Variants in SSH2 observed in about 807,000 individuals in gnomAD.
SSH2 encodes the protein slingshot protein phosphatase 2.
Under a neutral mutation model 135.2 loss-of-function variants are expected in SSH2, and 37 were observed. That is an observed-to-expected ratio of 0.27 (90% CI 0.21 to 0.36). SSH2 has a LOEUF of 0.36. Among genes scored for constraint, SSH2 ranks in the 10% least tolerant of loss-of-function variants. The pLI, the probability that SSH2 is intolerant of heterozygous loss-of-function variation, is 1.00. For synonymous variants in SSH2, 628 were observed against 646.2 expected (o/e 0.97, Z 0.43); for missense variants, 1,408 against 1,765.3 (o/e 0.80, Z 3.63).
intron 2 of SSH2, among the ~76,000 whole-genome samples, chr17:29,818,283 T>A (rs2042593082): frequency 6.6e-6 from 1 of 151,624 alleles, no homozygotes; most frequent in Non-Finnish European, 1.5e-5. Flanking sequence ...GATTCTTGCC[T>A]TGTCGCCCAG....
At chr17:29,667,016 T>C in intron 10 of SSH2, 21 bp from the exon 11 acceptor site, 2 of 1,614,060 alleles carry the variant, frequency 1.2e-6, no homozygotes, top group African/African-American at 1.3e-5. Context: ...GATGATATAT[T>C]GGACCCATCT....
intron 2 of SSH2, among the ~76,000 whole-genome samples, chr17:29,823,461 C>G (rs1384051064): frequency 6.6e-6 from 1 of 152,132 alleles, no homozygotes; most frequent in Admixed American, 6.5e-5. Flanking sequence ...CTCTAACACC[C>G]CACATTGGGC....
At chr17:29,836,114 G>A (rs577624705) in intron 2 of SSH2, among the ~76,000 whole-genome samples, 2 of 152,124 alleles carry the variant, frequency 1.3e-5, no homozygotes, top group East Asian at 3.9e-4. Flanking sequence ...AGAGATGTGA[G>A]TCACAACCCT....
intron 14 of SSH2, among the ~76,000 whole-genome samples, chr17:29,640,106 T>TCTC (rs1271901670): frequency 7.0e-6 from 1 of 143,028 alleles, no homozygotes; most frequent in Non-Finnish European, 1.5e-5. Flanking sequence ...TGAGACGGAG[T>TCTC]CTCGCTCTGT....
intron 3 of SSH2, chr17:29,761,051 C>T: frequency 8.2e-7 from 1 of 1,218,450 alleles, no homozygotes. Context: ...CGCTCGCCCT[C>T]GCTTGATTGT....
In SSH2 at chr17:29,627,998, T is replaced by A. The variant is rs1349053635; in HGVS notation, c.*2843A>T. ...CAAGAGTCAAAGTTTTTCCTATTCATCTTTGCCAGTCTATCAAATCTGCTG... is the reference window on the plus strand; with the variant it reads ...CAAGAGTCAAAGTTTTTCCTATTCAACTTTGCCAGTCTATCAAATCTGCTG... On this transcript the variant is annotated 3_prime_UTR_variant, in exon 16 of 16. Coordinates refer to ENST00000540801, the MANE Select transcript of SSH2 (RefSeq NM_001282129.2). 6.6e-6 allele frequency: 1 copy of A among 152,180 alleles called. No individual in the cohort carries two copies. Among genetic ancestry groups the A allele is most frequent in the East Asian group, 1.9e-4 (1 of 5,194 alleles). The allele number at this position is 152,180 out of a possible 1,614,324, so 9.4% of individuals were successfully genotyped here. A position where few individuals can be genotyped will look rare whatever the true frequency, so the allele number is the denominator to read the frequency against.
chr17:29,664,834 C>T (rs941464838), intron 11 of SSH2, among the ~76,000 whole-genome samples: 11 of 152,080 alleles, frequency 7.2e-5, no homozygotes, highest in Non-Finnish European at 1.5e-4. Context: ...TTAAAATTTG[C>T]TTGCATGGCC....
chr17:29,779,100 A>G (rs2617880), intron 3 of SSH2, among the ~76,000 whole-genome samples: 91,171 of 151,636 alleles, frequency 0.6, 29,902 homozygotes, highest in African/African-American at 0.87. Context: ...TTTTTTTCTA[A>G]CGGAAGGAAG....
intron 2 of SSH2, among the ~76,000 whole-genome samples, chr17:29,834,626 T>C (rs960256431): frequency 2.0e-5 from 3 of 152,106 alleles, no homozygotes; most frequent in African/African-American, 7.2e-5. Context: ...CTTTTATTGT[T>C]TCTGGGTTTT....
rs1485454221 is a variant in SSH2, at chr17:29,648,190, T to C, written c.1381A>G (p.Ser461Gly). 1.2e-6 allele frequency: 2 copies of C among 1,614,124 alleles called. No homozygotes were observed. The highest frequency in any genetic ancestry group is 8.5e-7 in the Non-Finnish European group (1 of 1,180,036). ...TACTCTTCCAGTTGTCTCATGAAGC[T>C]TGGGTTGGGCTTGGTTACCGTTCGT... ...ERRTVTKPNP[S>G]FMRQLEEYQG... is the part of the protein sequence containing the mutation. Residue 461 changes from serine (S) to glycine (G), a missense_variant, in exon 14 of 16, where the codon AGC becomes GGC. Around this residue, in one of 3 missense-constraint regions of SSH2, gnomAD observed 106 missense variants for 265.2 expected, o/e 0.40. Coordinates refer to ENST00000540801, the MANE Select transcript of SSH2 (RefSeq NM_001282129.2).
chr17:29,796,783 G>C (rs935708280), intron 2 of SSH2, among the ~76,000 whole-genome samples: 5 of 151,166 alleles, frequency 3.3e-5, no homozygotes, highest in Non-Finnish European at 5.9e-5. Context: ...TTAGAATTCA[G>C]TATTTCTTTA....
At chr17:29,861,559 A>G (rs2065764418) in intron 1 of SSH2, among the ~76,000 whole-genome samples, 1 of 140,328 alleles carries the variant, frequency 7.1e-6, no homozygotes, top group African/African-American at 2.5e-5. Context: ...GCCCACCACC[A>G]TAATCTTCTT....
At chr17:29,748,012 T>C (rs1248504776) in intron 3 of SSH2, among the ~76,000 whole-genome samples, 25 of 152,124 alleles carry the variant, frequency 1.6e-4, no homozygotes, top group Admixed American at 1.4e-3. Context: ...CAAAGGCAAA[T>C]AGTAGTAGTT....
rs891883396 is a variant in SSH2 at position 29,683,053 on chromosome 17, A to AT, written c.479+1509dup. 1.4e-4 allele frequency among the ~76,000 whole-genome samples: 22 copies of AT among 152,218 alleles called. No individual in the cohort carries two copies. In the South Asian group the frequency reaches 1.5e-3, roughly 10 times the overall value. On this transcript the variant is annotated intron_variant, in intron 6 of 15. Transcript: ENST00000540801. ...TGGGAAACTTTCTAGTGACAAAGTG[A>AT]TTTTTTCCCCTCAACATCAGGAAAA...
chr17:29,670,230 T>C (rs1008167006), intron 9 of SSH2, among the ~76,000 whole-genome samples: 2 of 152,062 alleles, frequency 1.3e-5, no homozygotes, highest in Non-Finnish European at 2.9e-5. Flanking sequence ...AAAAGTTACC[T>C]CTCTCTCATC....
chr17:29,773,908 G>A (rs1567965493), intron 3 of SSH2, among the ~76,000 whole-genome samples: 2 of 152,212 alleles, frequency 1.3e-5, no homozygotes, highest in African/African-American at 4.8e-5. Context: ...GACCTCAGGT[G>A]ATCCACCTGC....
intron 1 of SSH2, among the ~76,000 whole-genome samples, chr17:29,881,402 T>C (rs2066134459): frequency 6.6e-6 from 1 of 152,198 alleles, no homozygotes; most frequent in African/African-American, 2.4e-5. Context: ...AGTTAGGGAA[T>C]TGTGAACAAT....
intron 3 of SSH2, among the ~76,000 whole-genome samples, chr17:29,768,158 A>T (rs1323713019): frequency 6.6e-6 from 1 of 152,114 alleles, no homozygotes; most frequent in Non-Finnish European, 1.5e-5. Context: ...AGCTAAAAAT[A>T]TATATATTAG....
chr17:29,849,004 A>G, intron 1 of SSH2, 75 bp from the exon 2 acceptor site: 1 of 953,774 alleles, frequency 1.0e-6, no homozygotes, highest in Non-Finnish European at 1.6e-6. Context: ...GCAAGCTGAA[A>G]TCACTGAGTC....
Sources: gnomAD v4.1 joint callset for allele counts (sites outside exome capture counted in the v4.1 genomes callset) on GRCh38, gnomAD v4.1.1 for gene constraint, gnomAD v4.1.1 regional missense constraint, MANE v1.5 for transcripts, NCBI Gene and HGNC (gene_info 2026-07-23, HGNC 2026-07-21) for gene names.